Variants in TRPV4 observed in about 807,000 individuals in gnomAD.
TRPV4 encodes transient receptor potential cation channel subfamily V member 4.
In TRPV4, 58 loss-of-function variants were observed where a neutral mutation model predicts 84.1. The ratio of observed to expected loss-of-function variants is 0.69; its 90% CI spans 0.56 to 0.86. The LOEUF (loss-of-function observed/expected upper bound fraction) is 0.86. TRPV4 is among the 40% of genes least tolerant of loss of function. TRPV4 has a pLI of 0.00. For missense variants in TRPV4, 879 were observed against 1,181.1 expected (o/e 0.74, Z 3.75); for synonymous variants, 489 against 500.9 (o/e 0.98, Z 0.32).
chr12:109,785,355 C>G (rs1423418790), intron 14 of TRPV4, among the ~76,000 whole-genome samples: 3 of 151,906 alleles, frequency 2.0e-5, no homozygotes, highest in Non-Finnish European at 4.4e-5. Flanking sequence ...TTTATCCACT[C>G]ATTTTTTTAT....
chr12:109,829,622 C>T lies in TRPV4; in HGVS notation c.-32+3728G>A, dbSNP rs150092796. 4.6e-5 allele frequency among the ~76,000 whole-genome samples: 7 copies of T among 152,304 alleles called. No homozygotes were observed. In the East Asian group the frequency reaches 7.7e-4, roughly 17 times the overall value. On this transcript the variant is annotated intron_variant, in intron 1 of 15. Transcript: ENST00000261740. The stretch of plus-strand genomic sequence containing the variant: ...GGCCTGGGGACAAGGGGAGCTGACA[C>T]GGGCTGAGGCAGAAGAGCTGTGCTT...
intron 1 of TRPV4, among the ~76,000 whole-genome samples, chr12:109,833,099 C>A (rs1398049924): frequency 2.0e-5 from 3 of 152,170 alleles, no homozygotes; most frequent in Non-Finnish European, 4.4e-5. Flanking sequence ...CCCAGACCTG[C>A]TACCCCAGGC....
rs750658845 is a variant in TRPV4 at position 109,814,872 on chromosome 12, C to T, written c.-31-45G>A. 7.5e-4 allele frequency: 1,142 copies of T among 1,518,800 alleles called. 1 individual carries two copies. Among genetic ancestry groups the T allele is most frequent in the Non-Finnish European group, 9.3e-4 (1,055 of 1,135,570 alleles). The allele number at this position is 1,518,800 out of a possible 1,614,324, so 94.1% of individuals were successfully genotyped here. A position where few individuals can be genotyped will look rare whatever the true frequency, so the allele number is the denominator to read the frequency against. On this transcript the variant is annotated intron_variant, in intron 1 of 15. Transcript: ENST00000261740. The surrounding 1 kb of genome is among the most constrained non-coding windows in gnomAD (Gnocchi z 5.4). The stretch of plus-strand genomic sequence containing the variant: ...GAGTCAGGCAGAACCCGGCCAGGGG[C>T]GGGGGCTCCAGGAAGCCCCCTCCCA...
chr12:109,805,599 T>C (rs1262326587), intron 3 of TRPV4, among the ~76,000 whole-genome samples: 1 of 151,986 alleles, frequency 6.6e-6, no homozygotes, highest in Admixed American at 6.6e-5. Context: ...TCCCTGATAA[T>C]CAGATGAGCT....
intron 1 of TRPV4, among the ~76,000 whole-genome samples, chr12:109,827,877 TACAC>T (rs1475063551): frequency 1.3e-5 from 2 of 151,174 alleles, no homozygotes; most frequent in South Asian, 2.1e-4. Flanking sequence ...CACATACACA[TACAC>T]ACACAGACAC....
At chr12:109,792,082 A>C (rs1890076424) in intron 12 of TRPV4, among the ~76,000 whole-genome samples, 1 of 151,102 alleles carries the variant, frequency 6.6e-6, no homozygotes, top group Admixed American at 6.6e-5. Flanking sequence ...AATACAAAAA[A>C]AAAAAAATTA....
At chr12:109,797,320 AT>A (rs1890465817) in intron 6 of TRPV4, among the ~76,000 whole-genome samples, 1 of 151,828 alleles carries the variant, frequency 6.6e-6, no homozygotes, top group South Asian at 2.1e-4. Flanking sequence ...CCCAGCTAAT[AT>A]TTTTGTATTT....
Position 109,783,217 on chromosome 12 carries a change from G to A in TRPV4, c.*404C>T, listed in dbSNP as rs571262721. On this transcript the variant is annotated 3_prime_UTR_variant, in exon 16 of 16. Transcript: ENST00000261740. The surrounding 1 kb of genome is among the most constrained non-coding windows in gnomAD (Gnocchi z 4.6). ...CTGCCACGCTGCCAAAAATGGTGGCGCATGCAGCTCAGGCGCAGGCTGAGG... is the reference window on the plus strand; with the variant it reads ...CTGCCACGCTGCCAAAAATGGTGGCACATGCAGCTCAGGCGCAGGCTGAGG... The A allele has an allele frequency of 2.6e-5, 5 of 190,180 alleles. No individual in the cohort carries two copies. Among genetic ancestry groups the A allele is most frequent in the South Asian group, 1.5e-4 (1 of 6,748 alleles). The allele number at this position is 190,180 out of a possible 1,614,324, so 11.8% of individuals were successfully genotyped here. A position where few individuals can be genotyped will look rare whatever the true frequency, so the allele number is the denominator to read the frequency against.
intron 1 of TRPV4, among the ~76,000 whole-genome samples, chr12:109,827,791 T>A (rs1892305108): frequency 1.3e-5 from 2 of 150,012 alleles, no homozygotes; most frequent in East Asian, 4.0e-4. Context: ...AACATACACA[T>A]AAACATATAG....
At chr12:109,795,039 T>G (rs904321800) in intron 7 of TRPV4, among the ~76,000 whole-genome samples, 4 of 152,088 alleles carry the variant, frequency 2.6e-5, no homozygotes, top group Non-Finnish European at 4.4e-5. Flanking sequence ...AAAAGACATT[T>G]ATTCTCATGG....
At position 109,799,167 on chromosome 12, in the gene TRPV4, T is replaced by A. The variant is rs897243995; in HGVS notation, c.854-255A>T. On this transcript the variant is annotated intron_variant, in intron 5 of 15. Transcript: ENST00000261740. ...ATGATGGAATTCTTTTTTTTTTTTT[T>A]TTTGAGACAAAGTCTCACTCTGTCG... Among the ~76,000 whole-genome samples the A allele has an allele frequency of 8.4e-4, 128 of 151,906 alleles. 1 individual carries two copies. Among genetic ancestry groups the A allele is most frequent in the Non-Finnish European group, 1.8e-4 (12 of 67,922 alleles).
chr12:109,800,613 C>T lies in TRPV4; in HGVS notation c.853+5G>A. On this transcript the variant is annotated splice_donor_5th_base_variant and intron_variant, in intron 5 of 15. Transcript: ENST00000261740. ...GCTGTCAGCCCCCACCAGGCCCCTC[C>T]TTACCAAAGTAGAAGTAGCCCCCCT... 1 of 1,614,192 alleles carries T rather than the reference C, an allele frequency of 6.2e-7. No homozygotes were observed. The highest frequency in any genetic ancestry group is 1.7e-5 in the Admixed American group (1 of 60,038).
chr12:109,783,581 G>C lies in TRPV4; in HGVS notation c.*40C>G. 6.2e-7 allele frequency: 1 copy of C among 1,601,770 alleles called. No homozygotes were observed. Among genetic ancestry groups the C allele is most frequent in the East Asian group, 2.2e-5 (1 of 44,746 alleles). ...GCACTGCTGAAATGCGGCTGGACTAGAAATGAGTGGGCAGAGAAGCTGGGG... is the reference window on the plus strand; with the variant it reads ...GCACTGCTGAAATGCGGCTGGACTACAAATGAGTGGGCAGAGAAGCTGGGG... On this transcript the variant is annotated 3_prime_UTR_variant, in exon 16 of 16. Transcript: ENST00000261740. The surrounding 1 kb of genome is among the most constrained non-coding windows in gnomAD (Gnocchi z 4.6).
Position 109,794,039 on chromosome 12 carries a change from G to A in TRPV4, c.1492-17C>T, listed in dbSNP as rs533510842. Reference sequence around the variant, plus strand: ...GTACGGCGGCTGGGGAGCAGCAAGGGCACACAGGTCGTCACCCAGCCCCTC... The same window carrying A: ...GTACGGCGGCTGGGGAGCAGCAAGGACACACAGGTCGTCACCCAGCCCCTC... On this transcript the variant is annotated splice_polypyrimidine_tract_variant and intron_variant, in intron 8 of 15. Coordinates refer to ENST00000261740, the MANE Select transcript of TRPV4 (RefSeq NM_021625.5). The A allele has an allele frequency of 1.3e-5, 20 of 1,590,634 alleles. No homozygotes were observed. The highest frequency in any genetic ancestry group is 1.1e-4 in the African/African-American group (8 of 74,844).
chr12:109,824,979 T>C (rs1892213960), intron 1 of TRPV4, among the ~76,000 whole-genome samples: 1 of 152,082 alleles, frequency 6.6e-6, no homozygotes, highest in African/African-American at 2.4e-5. Flanking sequence ...TAATAATTAC[T>C]ACGACCTGGG....
In TRPV4 at chr12:109,800,740, A is replaced by G; in HGVS notation, c.731T>C (p.Ile244Thr). ...GTGTTTGCAGCGACGCTCAATGGCG[A>G]TGTGCAGGGCTGTCTGACCTGGGGG... ...IYYRGQTALHIAIERRCKHYV... is the reference protein window; with the variant it reads ...IYYRGQTALHTAIERRCKHYV... The change falls in exon 5 of 16, where the codon ATC becomes ACC. Residue 244 changes from isoleucine to threonine, a missense_variant. This residue lies in a region of TRPV4 where 521 missense variants were observed against 686.6 expected (regional missense o/e 0.76). Coordinates refer to ENST00000261740, the MANE Select transcript of TRPV4 (RefSeq NM_021625.5). The G allele has an allele frequency of 6.3e-7, 1 of 1,593,142 alleles. No homozygotes were observed. Among genetic ancestry groups the G allele is most frequent in the South Asian group, 1.1e-5 (1 of 90,802 alleles).
In TRPV4 at chr12:109,814,976, T is replaced by G; in HGVS notation, c.-31-149A>C. On this transcript the variant is annotated intron_variant, in intron 1 of 15. Coordinates refer to ENST00000261740, the MANE Select transcript of TRPV4 (RefSeq NM_021625.5). This position sits in a 1 kb window ranked among gnomAD's most constrained non-coding sequence, Gnocchi z 5.4. ...GGGGCACAGGGAGGCCACTCCCAGA[T>G]GTGGTTGGCCGCCAGCCTCAGGCGG... The G allele has an allele frequency of 1.4e-6, 1 of 738,122 alleles. No individual in the cohort carries two copies. The highest frequency in any genetic ancestry group is 2.2e-6 in the Non-Finnish European group (1 of 461,022). The allele number at this position is 738,122 out of a possible 1,614,324, so 45.7% of individuals were successfully genotyped here. A position where few individuals can be genotyped will look rare whatever the true frequency, so the allele number is the denominator to read the frequency against.
chr12:109,827,745 GACAT>G lies in TRPV4; in HGVS notation c.-32+5601_-32+5604del, dbSNP rs371755175. 2.6e-3 allele frequency among the ~76,000 whole-genome samples: 397 copies of G among 150,346 alleles called. 3 individuals are homozygous for G. Among genetic ancestry groups the G allele is most frequent in the African/African-American group, 9.1e-3 (371 of 40,984 alleles). ...ACACATATGCACACACATACACACA[GACAT>G]ACATATACACACATACACACATATA... is the stretch of plus-strand genomic sequence containing the variant. On this transcript the variant is annotated intron_variant, in intron 1 of 15. Coordinates refer to ENST00000261740, the MANE Select transcript of TRPV4 (RefSeq NM_021625.5).
rs1890148288 is a variant in TRPV4, at chr12:109,793,127, C to G, written c.1659-310G>C. Among the ~76,000 whole-genome samples, 1 of 152,184 alleles carries G rather than the reference C, an allele frequency of 6.6e-6. No homozygotes were observed. Among genetic ancestry groups the G allele is most frequent in the African/African-American group, 2.4e-5 (1 of 41,452 alleles). On this transcript the variant is annotated intron_variant, in intron 10 of 15. Transcript: ENST00000261740. This position sits in a 1 kb window ranked among gnomAD's most constrained non-coding sequence, Gnocchi z 4.0. ...AAGTGAATTTCATCATTCTCCAACT[C>G]TAAGGGAAATGTGAAAGAGGTAACA...
Sources: gnomAD v4.1 joint callset for allele counts (sites outside exome capture counted in the v4.1 genomes callset) on GRCh38, gnomAD v4.1.1 for gene constraint, gnomAD v4.1.1 regional missense constraint, Gnocchi (gnomAD v3.1) non-coding constraint, MANE v1.5 for transcripts, NCBI Gene and HGNC (gene_info 2026-07-23, HGNC 2026-07-21) for gene names.